The following ZBTB20 variants were observed in gnomAD, a reference collection of about 807,000 sequenced individuals.
ZBTB20 encodes the protein zinc finger and BTB domain-containing protein 20.
In ZBTB20, 9 loss-of-function variants were observed where a neutral mutation model predicts 56.9. The observed-to-expected ratio is 0.16, with a 90% CI of 0.10 to 0.28. The LOEUF is 0.28. Among genes scored for constraint, ZBTB20 ranks in the 10% least tolerant of loss-of-function variants. ZBTB20 has a pLI of 1.00. For synonymous variants in ZBTB20, 417 were observed against 420.7 expected (o/e 0.99, Z 0.11); for missense variants, 655 against 1,003.0 (o/e 0.65, Z 4.69).
chr3:114,732,455 T>A (rs1171976367), intron 5 of ZBTB20, among the ~76,000 whole-genome samples: 10 of 152,082 alleles, frequency 6.6e-5, no homozygotes, highest in Admixed American at 5.9e-4. Context: ...TGTCCTAGAG[T>A]CCCTGACTGT....
At chr3:114,585,966 C>T (rs1258366116) in intron 6 of ZBTB20, among the ~76,000 whole-genome samples, 1 of 152,178 alleles carries the variant, frequency 6.6e-6, no homozygotes, top group African/African-American at 2.4e-5. Flanking sequence ...CCTGTTTGTT[C>T]CATACTTTCC....
At chr3:114,390,731 T>C (rs1521067) in intron 7 of ZBTB20, among the ~76,000 whole-genome samples, 82,183 of 152,088 alleles carry the variant, frequency 0.54, 23,074 homozygotes, top group African/African-American at 0.7. Context: ...TATTGGTTCA[T>C]TCGTTCCTTT....
chr3:114,396,154 A>C (rs181028254), intron 7 of ZBTB20, among the ~76,000 whole-genome samples: 11 of 152,302 alleles, frequency 7.2e-5, no homozygotes, highest in Admixed American at 5.9e-4. Context: ...GATCGTTTTA[A>C]ACTTTGTAAT....
intron 2 of ZBTB20, among the ~76,000 whole-genome samples, chr3:115,064,947 T>G (rs969658677): frequency 1.3e-5 from 2 of 152,156 alleles, no homozygotes; most frequent in Admixed American, 1.3e-4. Flanking sequence ...CACATTTTTA[T>G]GGGCACTCAG....
intron 5 of ZBTB20, among the ~76,000 whole-genome samples, chr3:114,761,545 G>A (rs1317325842): frequency 6.6e-6 from 1 of 152,066 alleles, no homozygotes; most frequent in Non-Finnish European, 1.5e-5. Flanking sequence ...GAAAATTAAA[G>A]AAAATAAGTC....
At chr3:114,422,905 C>G (rs923316989) in intron 7 of ZBTB20, among the ~76,000 whole-genome samples, 1 of 152,078 alleles carries the variant, frequency 6.6e-6, no homozygotes, top group Non-Finnish European at 1.5e-5. Flanking sequence ...ACCTTTACAG[C>G]AGCATGACCA....
In ZBTB20 at chr3:114,353,512, T is replaced by C. The variant is rs539982187; in HGVS notation, c.200-1634A>G. On this transcript the variant is annotated intron_variant, in intron 10 of 11. Coordinates refer to ENST00000675478, the MANE Select transcript of ZBTB20 (RefSeq NM_001348800.3). ...GGTCTGTTATGTGCCTAAAATATTG[T>C]ATTAGGCTACAGATTCCATCGTTTT... Among the ~76,000 whole-genome samples the C allele has an allele frequency of 3.3e-5, 5 of 152,360 alleles. 1 individual carries two copies. Among genetic ancestry groups the C allele is most frequent in the African/African-American group, 1.2e-4 (5 of 41,584 alleles).
At chr3:114,547,574 G>A (rs944000340) in intron 6 of ZBTB20, among the ~76,000 whole-genome samples, 1 of 152,200 alleles carries the variant, frequency 6.6e-6, no homozygotes, top group African/African-American at 2.4e-5. Context: ...TAGAGCAGAA[G>A]ATGCTCTGGT....
At chr3:114,998,882 T>A (rs993401939) in intron 2 of ZBTB20, among the ~76,000 whole-genome samples, 35 of 151,452 alleles carry the variant, frequency 2.3e-4, no homozygotes, top group African/African-American at 8.2e-4. Context: ...TTGTTTAAGA[T>A]AAAGATGTGG....
chr3:115,019,949 C>T (rs547083196), intron 2 of ZBTB20, among the ~76,000 whole-genome samples: 5 of 151,046 alleles, frequency 3.3e-5, no homozygotes, highest in Admixed American at 6.7e-5. Flanking sequence ...AAAATAAGAA[C>T]AACAAAAATT....
chr3:114,597,583 C>T (rs192332492), intron 6 of ZBTB20, among the ~76,000 whole-genome samples: 4 of 152,158 alleles, frequency 2.6e-5, no homozygotes, highest in East Asian at 3.9e-4. Flanking sequence ...TTACATAAAG[C>T]GATCATGCCA....
intron 6 of ZBTB20, among the ~76,000 whole-genome samples, chr3:114,508,750 C>T (rs1467650271): frequency 1.3e-5 from 2 of 152,048 alleles, no homozygotes; most frequent in African/African-American, 4.8e-5. Context: ...TTTTATTTTG[C>T]AACCCATTAT....
chr3:114,858,210 C>A (rs1350303774), intron 4 of ZBTB20, among the ~76,000 whole-genome samples: 1 of 152,152 alleles, frequency 6.6e-6, no homozygotes, highest in Non-Finnish European at 1.5e-5. Flanking sequence ...GCATTTACTG[C>A]ACCTGCTTAA....
At chr3:114,884,334 A>G (rs986578141) in intron 4 of ZBTB20, among the ~76,000 whole-genome samples, 2 of 152,156 alleles carry the variant, frequency 1.3e-5, no homozygotes, top group Middle Eastern at 3.2e-3. Flanking sequence ...AAAAAGTTAG[A>G]TTCTCACATC....
intron 3 of ZBTB20, among the ~76,000 whole-genome samples, chr3:114,961,296 A>C (rs930448917): frequency 9.2e-5 from 14 of 152,034 alleles, no homozygotes; most frequent in Non-Finnish European, 1.8e-4. Flanking sequence ...CCTTCAATAC[A>C]AAAAATAAAA....
Position 114,883,982 on chromosome 3 carries a change from GT to G in ZBTB20, c.-417+16321del, listed in dbSNP as rs1576220258. On this transcript the variant is annotated intron_variant, in intron 4 of 11. Coordinates refer to ENST00000675478, the MANE Select transcript of ZBTB20 (RefSeq NM_001348800.3). ...GCTCTGTCGCCCAGGCTGGAGTGCA[GT>G]GGCAGGATCTCGGCTCACTGCAAGC... Among the ~76,000 whole-genome samples, 9 of 110,578 alleles carry G rather than the reference GT, an allele frequency of 8.1e-5. No individual in the cohort carries two copies. The East Asian group carries it at 2.9e-3, about 35-fold the overall frequency. The allele number at this position is 110,578 out of a possible 152,430, so 72.5% of individuals were successfully genotyped here. A position where few individuals can be genotyped will look rare whatever the true frequency, so the allele number is the denominator to read the frequency against.
intron 6 of ZBTB20, among the ~76,000 whole-genome samples, chr3:114,533,920 T>C (rs1414196580): frequency 6.6e-6 from 1 of 152,204 alleles, no homozygotes; most frequent in Non-Finnish European, 1.5e-5. Context: ...TTAAAATCCT[T>C]GATGGACAAG....
chr3:114,900,749 C>T (rs1274684096), intron 3 of ZBTB20: 1 of 151,850 alleles, frequency 6.6e-6, no homozygotes, highest in Non-Finnish European at 1.5e-5. Flanking sequence ...TTCATCTGCA[C>T]TCAGTTTGGA....
rs1300981405 is a variant in ZBTB20, at chr3:114,315,375, G to A, written c.*23630C>T. The A allele has an allele frequency of 6.6e-6, 1 of 152,044 alleles. No individual in the cohort carries two copies. The highest frequency in any genetic ancestry group is 1.5e-5 in the Non-Finnish European group (1 of 68,022). 9.4% of individuals were successfully genotyped at this position (152,044 alleles called of 1,614,324 possible). Reference sequence around the variant, plus strand: ...GTCTTTGTTCTGAAAAGACAATCTGGTTAGAAAAGTTGCCCTCCACTCATA... The same window carrying A: ...GTCTTTGTTCTGAAAAGACAATCTGATTAGAAAAGTTGCCCTCCACTCATA... On this transcript the variant is annotated 3_prime_UTR_variant, in exon 12 of 12. Transcript: ENST00000675478.
Sources: gnomAD v4.1 joint callset for allele counts (sites outside exome capture counted in the v4.1 genomes callset) on GRCh38, gnomAD v4.1.1 for gene constraint, MANE v1.5 for transcripts, NCBI Gene and HGNC (gene_info 2026-07-23, HGNC 2026-07-21) for gene names.